Variants in ZNF587B observed in about 807,000 individuals in gnomAD.
The protein encoded by ZNF587B is zinc finger protein 587B.
In ZNF587B, 6 loss-of-function variants were observed where a neutral mutation model predicts 7.2. The ratio of observed to expected loss-of-function variants is 0.83; its 90% CI spans 0.46 to 1.65. The LOEUF is 1.65. ZNF587B is among the 40% of genes most tolerant of loss of function. The pLI, the probability that ZNF587B is intolerant of heterozygous loss-of-function variation, is 0.01. For synonymous variants in ZNF587B, 274 were observed against 254.3 expected (o/e 1.08, Z -0.74); for missense variants, 749 against 761.0 (o/e 0.98, Z 0.19).
chr19:57,832,543 CT>C (rs1416795989), intron 1 of ZNF587B, among the ~76,000 whole-genome samples: 1 of 152,194 alleles, frequency 6.6e-6, no homozygotes, highest in Non-Finnish European at 1.5e-5. Context: ...CAGGATTCGT[CT>C]TTGGTGCTTT....
chr19:57,843,431 C>T lies in ZNF587B; in HGVS notation c.*855C>T. On this transcript the variant is annotated 3_prime_UTR_variant, in exon 3 of 3. Coordinates refer to ENST00000594901, the MANE Select transcript of ZNF587B (RefSeq NM_001376223.1). ...TCTTGCTAGACTTATGTGACTGCCA[C>T]TTATCTGGCAAAAGCCATTACATCT... is the stretch of plus-strand genomic sequence containing the variant. 1 of 985,246 alleles carries T rather than the reference C, an allele frequency of 1.0e-6. No homozygotes were observed. The highest frequency in any genetic ancestry group is 1.2e-6 in the Non-Finnish European group (1 of 829,830). The allele number at this position is 985,246 out of a possible 1,614,324, so 61.0% of individuals were successfully genotyped here.
At position 57,843,604 on chromosome 19, in the gene ZNF587B, T is replaced by TTTG; in HGVS notation, c.*1030_*1031insGTT. 6 of 875,068 alleles carry TTTG rather than the reference T, an allele frequency of 6.9e-6. No homozygotes were observed. The African/African-American group carries it at 1.2e-4, about 18-fold the overall frequency. The allele number at this position is 875,068 out of a possible 1,614,324, so 54.2% of individuals were successfully genotyped here. On this transcript the variant is annotated 3_prime_UTR_variant, in exon 3 of 3. Coordinates refer to ENST00000594901, the MANE Select transcript of ZNF587B (RefSeq NM_001376223.1). ...GTTGGTTGGTTGTTTTTTTTTGTTT[T>TTTG]TTTTTTTTTTTTTTTTGGAGACAAA...
At chr19:57,839,945 G>A (rs1988772422) in intron 2 of ZNF587B, among the ~76,000 whole-genome samples, 3 of 151,894 alleles carry the variant, frequency 2.0e-5, no homozygotes, top group African/African-American at 4.8e-5. Flanking sequence ...CGAGCATGAT[G>A]GCATGTGCCT....
chr19:57,832,261 A>G (rs1397675239), intron 1 of ZNF587B, among the ~76,000 whole-genome samples: 1 of 151,736 alleles, frequency 6.6e-6, no homozygotes, highest in African/African-American at 2.4e-5. Flanking sequence ...TTATTTTTGC[A>G]TTTGTAGTAG....
In ZNF587B at chr19:57,844,383, C is replaced by T. The variant is rs564787132; in HGVS notation, c.*1807C>T. 7.1e-6 allele frequency: 2 copies of T among 279,804 alleles called. No individual in the cohort carries two copies. The highest frequency in any genetic ancestry group is 5.3e-5 in the South Asian group (2 of 37,786). The allele number at this position is 279,804 out of a possible 1,614,324, so 17.3% of individuals were successfully genotyped here. A position where few individuals can be genotyped will look rare whatever the true frequency, so the allele number is the denominator to read the frequency against. On this transcript the variant is annotated 3_prime_UTR_variant, in exon 3 of 3. Coordinates refer to ENST00000594901, the MANE Select transcript of ZNF587B (RefSeq NM_001376223.1). ...CCGGGCATGGTGGCGCACCTGTAGC[C>T]GCAGCTACTCAGGAGGCTGAGGCAG...
rs1437806254 is a variant in ZNF587B, at chr19:57,841,573, G to T, written c.899G>T (p.Cys300Phe). ...QFHTGGKPYG[C>F]EECGKYFSLE... is the part of the protein sequence containing the mutation. Reference sequence around the variant, plus strand: ...CACACTGGAGGAAAACCTTATGGGTGTGAAGAATGTGGGAAATATTTTAGC... The same window carrying T: ...CACACTGGAGGAAAACCTTATGGGTTTGAAGAATGTGGGAAATATTTTAGC... The change falls in exon 3 of 3, where the codon TGT (cysteine) becomes TTT (phenylalanine). Residue 300 changes from cysteine to phenylalanine, a missense_variant. Transcript: ENST00000594901. 1.3e-6 allele frequency: 2 copies of T among 1,576,902 alleles called. No individual in the cohort carries two copies. Among genetic ancestry groups the T allele is most frequent in the South Asian group, 2.3e-5 (2 of 86,942 alleles).
chr19:57,841,720 C>T lies in ZNF587B; in HGVS notation c.1046C>T (p.Thr349Ile), dbSNP rs1483762618. The T allele has an allele frequency of 3.1e-6, 5 of 1,607,836 alleles. No individual in the cohort carries two copies. The highest frequency in any genetic ancestry group is 4.2e-6 in the Non-Finnish European group (5 of 1,177,366). The change falls in exon 3 of 3, where the codon ACT (threonine) becomes ATT (isoleucine). Residue 349 changes from threonine (T) to isoleucine (I), a missense_variant. By Grantham distance (89) the Thr-to-Ile change is moderately conservative. Coordinates refer to ENST00000594901, the MANE Select transcript of ZNF587B (RefSeq NM_001376223.1). ...CTTAAGAGTCATCAGCGCATTCACA[C>T]TGGAGAGAGACCTTACAAGTGTGGA... ...VNLKSHQRIH[T>I]GERPYKCGEC...
Position 57,844,369 on chromosome 19 carries a change from G to T in ZNF587B, c.*1793G>T. The T allele has an allele frequency of 3.5e-6, 1 of 282,234 alleles. No individual in the cohort carries two copies. Among genetic ancestry groups the T allele is most frequent in the Non-Finnish European group, 7.1e-6 (1 of 140,580 alleles). The allele number at this position is 282,234 out of a possible 1,614,324, so 17.5% of individuals were successfully genotyped here. ...AATATAAAAATTAGCCGGGCATGGT[G>T]GCGCACCTGTAGCCGCAGCTACTCA... On this transcript the variant is annotated 3_prime_UTR_variant, in exon 3 of 3. Transcript: ENST00000594901.
rs562788828 is a variant in ZNF587B at position 57,841,655 on chromosome 19, G to T, written c.981G>T (p.Glu327Asp). ...TTCACGCTGGAAAAGGGCCTTATGA[G>T]TGTGGAGAATGTGGGAAATCTTTTA... ...QKVHAGKGPY[E>D]CGECGKSFSS... Residue 327 changes from glutamate to aspartate, a missense_variant, in exon 3 of 3, where the codon GAG becomes GAT. Physicochemically the swap from Glu to Asp is conservative, Grantham distance 45. Around this residue, in one of 3 missense-constraint regions of ZNF587B, gnomAD observed 656 missense variants for 596.5 expected, o/e 1.10. Transcript: ENST00000594901. 1.0e-5 allele frequency: 16 copies of T among 1,603,006 alleles called. No individual in the cohort carries two copies. The East Asian group carries it at 2.9e-4, about 29-fold the overall frequency.
rs765023452 is a variant in ZNF587B, at chr19:57,842,557, A to G, written c.1883A>G (p.His628Arg). ...TCACTTCGTTACCATCAGAGAGTTC[A>G]TGAAAGAAAGGCCTTATGAGTGCAG... ...SSSLRYHQRV[H>R]ERKAL The change falls in exon 3 of 3, where the codon CAT (histidine) becomes CGT (arginine). Residue 628 changes from histidine (H) to arginine (R), a missense_variant. Around this residue, in one of 3 missense-constraint regions of ZNF587B, gnomAD observed 656 missense variants for 596.5 expected, o/e 1.10. Transcript: ENST00000594901. 22 of 1,527,248 alleles carry G rather than the reference A, an allele frequency of 1.4e-5. No homozygotes were observed. Among genetic ancestry groups the G allele is most frequent in the South Asian group, 2.7e-5 (2 of 73,942 alleles). The allele number at this position is 1,527,248 out of a possible 1,614,324, so 94.6% of individuals were successfully genotyped here. A position where few individuals can be genotyped will look rare whatever the true frequency, so the allele number is the denominator to read the frequency against.
Position 57,842,683 on chromosome 19 carries a change from C to T in ZNF587B, c.*107C>T, listed in dbSNP as rs187660099. 1.7e-5 allele frequency: 23 copies of T among 1,342,110 alleles called. No individual in the cohort carries two copies. In the East Asian group the frequency reaches 5.4e-4, roughly 32 times the overall value. 83.1% of individuals were successfully genotyped at this position (1,342,110 alleles called of 1,614,324 possible). The stretch of plus-strand genomic sequence containing the variant: ...AATGTTTACCCAAAAGAAGTCTGCT[C>T]TCCTTGGACATTGGAGAGTTCACAC... On this transcript the variant is annotated 3_prime_UTR_variant, in exon 3 of 3. Transcript: ENST00000594901.
Position 57,841,918 on chromosome 19 carries a change from G to A in ZNF587B, c.1244G>A (p.Cys415Tyr), listed in dbSNP as rs773074783. 1.2e-6 allele frequency: 2 copies of A among 1,613,710 alleles called. No individual in the cohort carries two copies. The highest frequency in any genetic ancestry group is 1.7e-5 in the Admixed American group (1 of 59,926). ...TGERPYKCGD[C>Y]GKSFNEKGHL... ...GAAAGACCTTACAAGTGTGGAGACT[G>A]TGGGAAATCTTTTAATGAAAAAGGA... Residue 415 changes from cysteine (C) to tyrosine (Y), a missense_variant, in exon 3 of 3, where the codon TGT (cysteine) becomes TAT (tyrosine). Coordinates refer to ENST00000594901, the MANE Select transcript of ZNF587B (RefSeq NM_001376223.1).
At position 57,839,044 on chromosome 19, in the gene ZNF587B, G is replaced by A. The variant is rs1988739861; in HGVS notation, c.58G>A (p.Val20Met). The change falls in exon 2 of 3, where the codon GTG becomes ATG. Residue 20 changes from valine to methionine, a missense_variant. Val to Met is a conservative substitution (Grantham distance 21). This residue lies in a region of ZNF587B where 72 missense variants were observed against 147.8 expected (regional missense o/e 0.49). Transcript: ENST00000594901. Reference sequence around the variant, plus strand: ...ACAGGGCACAGTGACTTTTGAAGACGTGGCTGTGAAATTTACCCAGGAGGA... The same window carrying A: ...ACAGGGCACAGTGACTTTTGAAGACATGGCTGTGAAATTTACCCAGGAGGA... Reference protein sequence around the residue: ...SAQGTVTFEDVAVKFTQEEWN... With the variant: ...SAQGTVTFEDMAVKFTQEEWN... 4 of 1,613,966 alleles carry A rather than the reference G, an allele frequency of 2.5e-6. No individual in the cohort carries two copies. Among genetic ancestry groups the A allele is most frequent in the South Asian group, 1.1e-5 (1 of 91,086 alleles).
chr19:57,841,466 C>T lies in ZNF587B; in HGVS notation c.792C>T (p.His264=). The part of the protein sequence containing the change: ...YVSFSNHQRV[H]SGKRPYECGE... Reference sequence around the variant, plus strand: ...GCTTCAGTAATCATCAGAGAGTTCACAGTGGAAAAAGACCTTATGAATGTG... The same window carrying T: ...GCTTCAGTAATCATCAGAGAGTTCATAGTGGAAAAAGACCTTATGAATGTG... The change falls in exon 3 of 3, where the codon CAC becomes CAT. Residue 264 remains histidine, a synonymous_variant. Transcript: ENST00000594901. The T allele has an allele frequency of 6.3e-7, 1 of 1,584,812 alleles. No individual in the cohort carries two copies. Among genetic ancestry groups the T allele is most frequent in the Non-Finnish European group, 8.6e-7 (1 of 1,164,558 alleles).
chr19:57,835,771 T>C (rs1988578052), intron 1 of ZNF587B, among the ~76,000 whole-genome samples: 1 of 139,962 alleles, frequency 7.1e-6, no homozygotes, highest in African/African-American at 2.8e-5. Flanking sequence ...GGAGGGTTGT[T>C]TTCACCATGC....
Position 57,843,590 on chromosome 19 carries a change from G to GGTTT in ZNF587B, c.*1014_*1015insGTTT. On this transcript the variant is annotated 3_prime_UTR_variant, in exon 3 of 3. Transcript: ENST00000594901. ...TGGTTGGTTGGTTGGTTGGTTGGTT[G>GGTTT]TTTTTTTTTGTTTTTTTTTTTTTTT... 19 of 574,062 alleles carry GGTTT rather than the reference G, an allele frequency of 3.3e-5. No individual in the cohort carries two copies. The highest frequency in any genetic ancestry group is 8.1e-5 in the South Asian group (1 of 12,272). The allele number at this position is 574,062 out of a possible 1,614,324, so 35.6% of individuals were successfully genotyped here. A position where few individuals can be genotyped will look rare whatever the true frequency, so the allele number is the denominator to read the frequency against.
In ZNF587B at chr19:57,844,070, T is replaced by A. The variant is rs1988982271; in HGVS notation, c.*1494T>A. Among the ~76,000 whole-genome samples the A allele has an allele frequency of 6.6e-6, 1 of 152,164 alleles. No homozygotes were observed. The highest frequency in any genetic ancestry group is 2.1e-4 in the South Asian group (1 of 4,834). On this transcript the variant is annotated 3_prime_UTR_variant, in exon 3 of 3. Transcript: ENST00000594901. Reference sequence around the variant, plus strand: ...GCTGGGACTTTTTTATTTCTTTAATTTTTAATTCCAGATCTGGTCACAGAA... The same window carrying A: ...GCTGGGACTTTTTTATTTCTTTAATATTTAATTCCAGATCTGGTCACAGAA...
chr19:57,836,421 G>T (rs144329132), intron 1 of ZNF587B, among the ~76,000 whole-genome samples: 34 of 152,324 alleles, frequency 2.2e-4, no homozygotes, highest in Admixed American at 7.2e-4. Context: ...GGCCCAGTGT[G>T]ATTTGCCACC....
At chr19:57,832,292 G>A (rs373782895) in intron 1 of ZNF587B, among the ~76,000 whole-genome samples, 6 of 151,978 alleles carry the variant, frequency 3.9e-5, no homozygotes, top group Admixed American at 2.0e-4. Flanking sequence ...CCGCCATGTT[G>A]GCCAGAATGG....
Sources: gnomAD v4.1 joint callset for allele counts (sites outside exome capture counted in the v4.1 genomes callset) on GRCh38, gnomAD v4.1.1 for gene constraint, gnomAD v4.1.1 regional missense constraint, MANE v1.5 for transcripts, NCBI Gene and HGNC (gene_info 2026-07-23, HGNC 2026-07-21) for gene names.